BLOC1S3: variants seen among roughly 807,000 people sequenced by gnomAD.
BLOC1S3 encodes the protein biogenesis of lysosome-related organelles complex 1 subunit 3.
Under a neutral mutation model 9.1 loss-of-function variants are expected in BLOC1S3, and 7 were observed. That is an observed-to-expected ratio of 0.77 (90% confidence interval 0.44 to 1.45). BLOC1S3 has a LOEUF of 1.45. BLOC1S3 is among the 40% of genes most tolerant of loss of function. The pLI, the probability that BLOC1S3 is intolerant of heterozygous loss-of-function variation, is 0.01. For synonymous variants in BLOC1S3, 145 were observed against 158.4 expected (o/e 0.92, Z 0.64); for missense variants, 307 against 315.2 (o/e 0.97, Z 0.20).
rs932719183 is a variant in BLOC1S3, at chr19:45,180,100, G to A, written c.*195G>A. 5 of 583,980 alleles carry A rather than the reference G, an allele frequency of 8.6e-6. No homozygotes were observed. Among genetic ancestry groups the A allele is most frequent in the Non-Finnish European group, 1.4e-5 (5 of 345,658 alleles). The allele number at this position is 583,980 out of a possible 1,614,324, so 36.2% of individuals were successfully genotyped here. A position where few individuals can be genotyped will look rare whatever the true frequency, so the allele number is the denominator to read the frequency against. On this transcript the variant is annotated 3_prime_UTR_variant, in exon 2 of 2. Transcript: ENST00000433642. ...TTCAACCCCTACTGCGGAGACCAGG[G>A]CCCCACTATCCTTAGATCTGGTTCC...
intron 3 of BLOC1S3, among the ~76,000 whole-genome samples, chr19:45,210,877 C>A (rs1268820274): frequency 6.6e-6 from 1 of 152,222 alleles, no homozygotes; most frequent in African/African-American, 2.4e-5. Flanking sequence ...GTAATCCCAG[C>A]ACTTTGGGAG....
At chr19:45,212,934 G>C (rs11667509) in intron 3 of BLOC1S3, 359,057 of 1,020,906 alleles carry the variant, frequency 0.35, 68,960 homozygotes, top group Middle Eastern at 0.51. Context: ...TTTGGGGTTG[G>C]GTGAAAAGAC....
chr19:45,210,605 T>A (rs1053780481), intron 3 of BLOC1S3, among the ~76,000 whole-genome samples: 44 of 151,804 alleles, frequency 2.9e-4, no homozygotes, highest in Non-Finnish European at 6.0e-4. Flanking sequence ...GGCCACTTTT[T>A]TTTTTTTCTT....
intron 3 of BLOC1S3, chr19:45,216,041 CGGCGAG>C: frequency 6.2e-7 from 1 of 1,610,054 alleles, no homozygotes; most frequent in African/African-American, 1.3e-5. Context: ...CGGCCAGGCA[CGGCGAG>C]CCCTGGCCCA....
At chr19:45,193,563 A>T (rs994682157) in intron 2 of BLOC1S3, among the ~76,000 whole-genome samples, 2 of 151,896 alleles carry the variant, frequency 1.3e-5, no homozygotes, top group African/African-American at 2.4e-5. Flanking sequence ...TAAATAAGCC[A>T]TACTTGCCCG....
intron 2 of BLOC1S3, among the ~76,000 whole-genome samples, chr19:45,196,251 G>C (rs1969647459): frequency 6.6e-6 from 1 of 152,062 alleles, no homozygotes; most frequent in African/African-American, 2.4e-5. Context: ...GGTGGCACAT[G>C]CCTATGATCC....
Position 45,179,637 on chromosome 19 carries a change from C to T in BLOC1S3, c.341C>T (p.Ala114Val), listed in dbSNP as rs1969481522. 5.4e-6 allele frequency: 8 copies of T among 1,472,122 alleles called. No homozygotes were observed. In the South Asian group the frequency reaches 1.0e-4, roughly 19 times the overall value. 91.2% of individuals were successfully genotyped at this position (1,472,122 alleles called of 1,614,324 possible). ...PARSLLQLRL[A>V]ESQARLDHDV... ...CGCTCGCTCCTGCAACTTCGGCTGG[C>T]GGAGAGCCAGGCGCGGCTGGACCAC... The change falls in exon 2 of 2, where the codon GCG becomes GTG. Residue 114 changes from alanine (A) to valine (V), a missense_variant. Ala to Val is a moderately conservative substitution (Grantham distance 64). Coordinates refer to ENST00000433642, the MANE Select transcript of BLOC1S3 (RefSeq NM_212550.5). The surrounding 1 kb of genome is among the most constrained non-coding windows in gnomAD (Gnocchi z 4.6).
intron 3 of BLOC1S3, among the ~76,000 whole-genome samples, chr19:45,207,142 A>T (rs533001125): frequency 3.2e-4 from 44 of 136,800 alleles, no homozygotes; most frequent in Non-Finnish European, 1.6e-4. Context: ...CAGCTATTTT[A>T]TTTTTTTTGA....
chr19:45,182,269 G>C (rs1049219959), downstream of BLOC1S3, among the ~76,000 whole-genome samples: 1 of 152,094 alleles, frequency 6.6e-6, no homozygotes, highest in African/African-American at 2.4e-5. Flanking sequence ...CAGCTACTCA[G>C]GGAGCTGGGG....
chr19:45,182,980 G>A (rs949195275), downstream of BLOC1S3, among the ~76,000 whole-genome samples: 1 of 152,156 alleles, frequency 6.6e-6, no homozygotes, highest in Non-Finnish European at 1.5e-5. Flanking sequence ...GGAAGTAGGT[G>A]AAATGGGAGT....
intron 3 of BLOC1S3, among the ~76,000 whole-genome samples, chr19:45,207,279 C>T (rs1969734181): frequency 6.6e-6 from 1 of 151,070 alleles, no homozygotes; most frequent in African/African-American, 2.4e-5. Context: ...ACTACAGGTG[C>T]CCGACACCAA....
chr19:45,208,600 CA>C, intron 3 of BLOC1S3, among the ~76,000 whole-genome samples: 1 of 151,980 alleles, frequency 6.6e-6, no homozygotes, highest in South Asian at 2.1e-4. Flanking sequence ...ACTAAAAATA[CA>C]AAAATTAGCT....
Position 45,180,533 on chromosome 19 carries a change from C to T in BLOC1S3, c.*628C>T, listed in dbSNP as rs1969506111. ...GTGGCGTCCCAAAGTGCTGGGGTTA[C>T]AGGTGTGAGCCACCACACACTGGGC... On this transcript the variant is annotated 3_prime_UTR_variant, in exon 2 of 2. Coordinates refer to ENST00000433642, the MANE Select transcript of BLOC1S3 (RefSeq NM_212550.5). 1 of 163,604 alleles carries T rather than the reference C, an allele frequency of 6.1e-6. No homozygotes were observed. The highest frequency in any genetic ancestry group is 1.5e-5 in the Non-Finnish European group (1 of 68,302). The allele number at this position is 163,604 out of a possible 1,614,324, so 10.1% of individuals were successfully genotyped here. A position where few individuals can be genotyped will look rare whatever the true frequency, so the allele number is the denominator to read the frequency against.
At chr19:45,186,266 G>A (rs1969564965), downstream of BLOC1S3, among the ~76,000 whole-genome samples, 1 of 152,206 alleles carries the variant, frequency 6.6e-6, no homozygotes, top group African/African-American at 2.4e-5. Context: ...AATGAAGGAA[G>A]TGGCAAACAC....
chr19:45,202,241 G>A (rs529022386), intron 2 of BLOC1S3, among the ~76,000 whole-genome samples: 159 of 143,120 alleles, frequency 1.1e-3, no homozygotes, highest in African/African-American at 3.6e-3. Flanking sequence ...AAAAAAAGAC[G>A]TGCCTTTCAG....
intron 3 of BLOC1S3, among the ~76,000 whole-genome samples, chr19:45,204,981 A>G (rs605003): frequency 0.27 from 40,314 of 151,530 alleles, 6,404 homozygotes; most frequent in African/African-American, 0.42. Context: ...TAATCCCCCC[A>G]CCTTGGCCTC....
At chr19:45,199,670 T>C (rs769817813) in intron 2 of BLOC1S3, among the ~76,000 whole-genome samples, 3 of 151,658 alleles carry the variant, frequency 2.0e-5, no homozygotes, top group Non-Finnish European at 4.4e-5. Flanking sequence ...TCCTGTCTCA[T>C]CTCTTTTCTC....
Position 45,179,877 on chromosome 19 carries a change from C to T in BLOC1S3, c.581C>T (p.Pro194Leu). The change falls in exon 2 of 2, where the codon CCT becomes CTT. Residue 194 changes from proline (P) to leucine (L), a missense_variant. Physicochemically the swap from Pro to Leu is moderately conservative, Grantham distance 98. Coordinates refer to ENST00000433642, the MANE Select transcript of BLOC1S3 (RefSeq NM_212550.5). The surrounding 1 kb of genome is among the most constrained non-coding windows in gnomAD (Gnocchi z 4.6). ...PDIRGVPGTEPEKDPGPRA is the reference protein window; with the variant it reads ...PDIRGVPGTELEKDPGPRA ...ATCCGCGGCGTGCCAGGGACCGAGC[C>T]TGAGAAAGACCCGGGGCCGCGGGCC... 2 of 1,609,160 alleles carry T rather than the reference C, an allele frequency of 1.2e-6. No individual in the cohort carries two copies. Among genetic ancestry groups the T allele is most frequent in the South Asian group, 1.1e-5 (1 of 90,968 alleles).
chr19:45,191,237 C>T (rs1328650225), intron 2 of BLOC1S3, among the ~76,000 whole-genome samples: 1 of 152,124 alleles, frequency 6.6e-6, no homozygotes, highest in African/African-American at 2.4e-5. Context: ...ATTCTCATGC[C>T]TCAGCCTCCC....
Sources: allele counts gnomAD v4.1 joint callset (sites outside exome capture counted in the v4.1 genomes callset), GRCh38; gene constraint gnomAD v4.1.1; non-coding constraint Gnocchi (gnomAD v3.1); transcripts MANE v1.5; gene names NCBI Gene and HGNC (gene_info 2026-07-23, HGNC 2026-07-21).